Variants in PTPRD observed in about 807,000 individuals in gnomAD.
PTPRD encodes protein tyrosine phosphatase receptor type D, also known as receptor-type tyrosine-protein phosphatase delta.
PTPRD carries 34 observed loss-of-function variants against 214.5 expected under a neutral mutation model. The ratio of observed to expected loss-of-function variants is 0.16; its 90% CI spans 0.12 to 0.21. The LOEUF (loss-of-function observed/expected upper bound fraction) is 0.21, where lower values mean the gene tolerates loss of function less well. PTPRD is among the 10% of genes least tolerant of loss of function. PTPRD has a pLI of 1.00. For synonymous variants in PTPRD, 1,128 were observed against 845.7 expected (o/e 1.33, Z -5.79); for missense variants, 2,545 against 2,398.7 (o/e 1.06, Z -1.27).
intron 9 of PTPRD, among the ~76,000 whole-genome samples, chr9:9,353,625 T>A (rs1596270973): frequency 6.8e-6 from 1 of 147,554 alleles, no homozygotes; most frequent in Non-Finnish European, 1.5e-5. Context: ...TTCATGCCTT[T>A]AAAAAAAAAA....
intron 10 of PTPRD, among the ~76,000 whole-genome samples, chr9:9,031,656 A>G (rs1483347834): frequency 6.6e-6 from 1 of 152,078 alleles, no homozygotes; most frequent in Non-Finnish European, 1.5e-5. Flanking sequence ...TGTATATATA[A>G]ATTAATGAAA....
chr9:10,543,477 TATACACACAC>T (rs1182443865), intron 2 of PTPRD, among the ~76,000 whole-genome samples: 1 of 141,284 alleles, frequency 7.1e-6, no homozygotes, highest in South Asian at 2.3e-4. Context: ...AATATATATA[TATACACACAC>T]ACACACACAC....
chr9:9,176,141 G>A (rs1349924428), intron 10 of PTPRD, among the ~76,000 whole-genome samples: 1 of 152,254 alleles, frequency 6.6e-6, no homozygotes, highest in Non-Finnish European at 1.5e-5. Context: ...AGAGCATGAG[G>A]CAGATAAACT....
chr9:10,518,678 G>T (rs572590525), intron 2 of PTPRD, among the ~76,000 whole-genome samples: 1 of 151,796 alleles, frequency 6.6e-6, no homozygotes, highest in East Asian at 1.9e-4. Context: ...GACTACAGGC[G>T]CCCGCCACCA....
At chr9:10,098,056 C>A (rs12335685) in intron 3 of PTPRD, among the ~76,000 whole-genome samples, 1 of 151,564 alleles carries the variant, frequency 6.6e-6, no homozygotes, top group Non-Finnish European at 1.5e-5. Flanking sequence ...ATGTTTATTG[C>A]GGCACTATTC....
chr9:10,132,348 A>G (rs2098898722), intron 3 of PTPRD, among the ~76,000 whole-genome samples: 1 of 152,168 alleles, frequency 6.6e-6, no homozygotes, highest in Non-Finnish European at 1.5e-5. Context: ...ACAGAATGTA[A>G]TTTAAAAAAA....
chr9:9,369,214 C>T (rs1285968249), intron 9 of PTPRD, among the ~76,000 whole-genome samples: 1 of 152,072 alleles, frequency 6.6e-6, no homozygotes, highest in African/African-American at 2.4e-5. Context: ...AACTAGTTTA[C>T]AGTCCCACCA....
At chr9:9,823,647 A>G (rs113440287) in intron 5 of PTPRD, among the ~76,000 whole-genome samples, 1 of 152,126 alleles carries the variant, frequency 6.6e-6, no homozygotes, top group African/African-American at 2.4e-5. Context: ...CAAATATCAC[A>G]TGTTCTCACT....
At chr9:9,180,113 T>C (rs2099927315) in intron 10 of PTPRD, among the ~76,000 whole-genome samples, 1 of 151,790 alleles carries the variant, frequency 6.6e-6, no homozygotes, top group Non-Finnish European at 1.5e-5. Flanking sequence ...ACCCAAAGGA[T>C]TAAAAATCAT....
intron 14 of PTPRD, among the ~76,000 whole-genome samples, chr9:8,583,138 C>A (rs1477886766): frequency 6.6e-6 from 1 of 152,094 alleles, no homozygotes; most frequent in African/African-American, 2.4e-5. Context: ...ACCTAGATCC[C>A]TCACATACAC....
At chr9:9,214,633 CT>C (rs1301392632) in intron 9 of PTPRD, among the ~76,000 whole-genome samples, 2 of 152,060 alleles carry the variant, frequency 1.3e-5, no homozygotes, top group Non-Finnish European at 2.9e-5. Flanking sequence ...CTCTCTGTGA[CT>C]TTTTTGTACA....
intron 19 of PTPRD, 133 bp from the exon 20 acceptor site, chr9:8,521,679 A>C: frequency 1.0e-6 from 1 of 993,492 alleles, no homozygotes; most frequent in Non-Finnish European, 1.5e-6. Context: ...CAAAACATAA[A>C]GAAAAACTGT....
chr9:9,533,971 C>T (rs974254155), intron 8 of PTPRD, among the ~76,000 whole-genome samples: 4 of 151,954 alleles, frequency 2.6e-5, no homozygotes, highest in African/African-American at 9.7e-5. Context: ...GTGTCAAGCT[C>T]ATTTAAAAAA....
intron 14 of PTPRD, among the ~76,000 whole-genome samples, chr9:8,536,046 G>C (rs1434013888): frequency 2.6e-5 from 4 of 151,650 alleles, no homozygotes; most frequent in Non-Finnish European, 5.9e-5. Flanking sequence ...GGTAAATAAG[G>C]ATGGTATCAT....
intron 12 of PTPRD, among the ~76,000 whole-genome samples, chr9:8,728,535 T>C (rs1169577627): frequency 6.6e-6 from 1 of 152,232 alleles, no homozygotes; most frequent in Admixed American, 6.5e-5. Context: ...GTTTCTGGTG[T>C]AAACTGACTC....
At chr9:9,485,612 AT>A in intron 8 of PTPRD, among the ~76,000 whole-genome samples, 1 of 152,324 alleles carries the variant, frequency 6.6e-6, no homozygotes, top group East Asian at 1.9e-4. Context: ...ACGTGATCAA[AT>A]AAGATCTGCT....
At chr9:10,108,287 C>T (rs151080072) in intron 3 of PTPRD, among the ~76,000 whole-genome samples, 59 of 152,164 alleles carry the variant, frequency 3.9e-4, no homozygotes, top group African/African-American at 7.9e-4. Context: ...TTAACATATA[C>T]GTAACTTCAC....
intron 11 of PTPRD, among the ~76,000 whole-genome samples, chr9:8,811,469 T>C (rs1463620045): frequency 3.3e-5 from 5 of 152,316 alleles, no homozygotes; most frequent in East Asian, 1.9e-4. Context: ...TGGAACTGAA[T>C]AAATGAATAT....
chr9:10,036,825 G>A (rs1421028225), intron 3 of PTPRD, among the ~76,000 whole-genome samples: 1 of 151,768 alleles, frequency 6.6e-6, no homozygotes, highest in African/African-American at 2.4e-5. Flanking sequence ...CTTGTGATCT[G>A]CCCGCCTCGG....
Sources: allele counts gnomAD v4.1 joint callset (sites outside exome capture counted in the v4.1 genomes callset), GRCh38; gene constraint gnomAD v4.1.1; transcripts MANE v1.5; gene names NCBI Gene and HGNC (gene_info 2026-07-23, HGNC 2026-07-21).